The following HDAC8 variants were observed in gnomAD, a reference collection of about 807,000 sequenced individuals.
HDAC8 encodes the protein histone deacetylase-like 1.
A neutral mutation model predicts 32.2 loss-of-function variants in HDAC8; 1 was observed. That is an observed-to-expected ratio of 0.03 (90% CI 0.01 to 0.15). The LOEUF is 0.15. Ranked by LOEUF, HDAC8 falls within the 10% of genes least tolerant of loss-of-function variation. HDAC8 has a pLI of 1.00. For synonymous variants in HDAC8, 108 were observed against 113.9 expected, an observed-to-expected ratio of 0.95 and a Z score of 0.33; for missense variants, 117 against 300.0, an observed-to-expected ratio of 0.39 and a Z score of 4.51.
At chrX:72,428,101 CT>C (rs1214584885) in intron 9 of HDAC8, among the ~76,000 whole-genome samples, 11 of 108,687 alleles carry the variant, frequency 1.0e-4, no homozygotes, top group African/African-American at 2.7e-4. Context: ...ATGAATCCTT[CT>C]TTTTTTTTTG....
At chrX:72,464,444 C>T (rs1216156653) in intron 8 of HDAC8, 115 bp downstream of exon 8, 2 of 592,035 alleles carry the variant, frequency 3.4e-6, no homozygotes, top group Admixed American at 2.3e-5. Flanking sequence ...GGCTTCTGGG[C>T]CTCAGGTAGG....
rs781942485 is a variant in HDAC8, at chrX:72,329,519, G to T, written c.*535C>A. On this transcript the variant is annotated 3_prime_UTR_variant, in exon 11 of 11. Transcript: ENST00000373573. ...TGAAGACAACGGGACAAAGAGGTAG[G>T]TTTTCAAAGATTTTATTAAAAAAAC... is the stretch of plus-strand genomic sequence containing the variant. The T allele has an allele frequency of 1.2e-4, 65 of 526,834 alleles. No individual in the cohort carries two copies. The African/African-American group carries it at 1.3e-3, about 10-fold the overall frequency. 43.4% of individuals were successfully genotyped at this position (526,834 alleles called of 1,213,427 possible).
chrX:72,557,823 T>C (rs1438154258), intron 4 of HDAC8, among the ~76,000 whole-genome samples: 1 of 111,079 alleles, frequency 9.0e-6, no homozygotes. Context: ...ATAAATAAAA[T>C]TGATAGACAA....
At chrX:72,404,217 C>T (rs781797895) in intron 9 of HDAC8, among the ~76,000 whole-genome samples, 38 of 110,739 alleles carry the variant, frequency 3.4e-4, no homozygotes, top group Non-Finnish European at 6.4e-4. Context: ...GTTTATTTTT[C>T]CTCATTCCAT....
chrX:72,341,393 C>G (rs2043883835), intron 10 of HDAC8, among the ~76,000 whole-genome samples: 1 of 111,897 alleles, frequency 8.9e-6, no homozygotes, highest in African/African-American at 3.3e-5. Context: ...GCCATAGCTG[C>G]CACCACCACC....
At chrX:72,410,094 A>G (rs1183080441) in intron 9 of HDAC8, among the ~76,000 whole-genome samples, 1 of 111,206 alleles carries the variant, frequency 9.0e-6, no homozygotes, top group Non-Finnish European at 1.9e-5. Flanking sequence ...TGAGCTACAA[A>G]GGCTAAAGAT....
chrX:72,362,804 T>G (rs2044593764), intron 9 of HDAC8, among the ~76,000 whole-genome samples: 1 of 112,192 alleles, frequency 8.9e-6, no homozygotes, highest in Non-Finnish European at 1.9e-5. Context: ...GGGTGAATTC[T>G]TAAGAGCTTA....
At chrX:72,367,405 G>A (rs1227813590) in intron 9 of HDAC8, among the ~76,000 whole-genome samples, 1 of 112,063 alleles carries the variant, frequency 8.9e-6, no homozygotes, top group Non-Finnish European at 1.9e-5. Flanking sequence ...AGGCTCTGTC[G>A]CCACGTTGGT....
In HDAC8 at chrX:72,329,656, C is replaced by T. The variant is rs1555939477; in HGVS notation, c.*398G>A. ...CCTGGATGGTCCTGAGGCCCAAACC[C>T]TGCCTGTCAGCTGCCTCCTGCCCTA... On this transcript the variant is annotated 3_prime_UTR_variant, in exon 11 of 11. Coordinates refer to ENST00000373573, the MANE Select transcript of HDAC8 (RefSeq NM_018486.3). 1 of 1,183,692 alleles carries T rather than the reference C, an allele frequency of 8.4e-7. No individual in the cohort carries two copies. Among genetic ancestry groups the T allele is most frequent in the Non-Finnish European group, 1.1e-6 (1 of 880,863 alleles).
chrX:72,567,198 C>T (rs1556136299), intron 4 of HDAC8, among the ~76,000 whole-genome samples: 1 of 111,955 alleles, frequency 8.9e-6, no homozygotes, highest in Non-Finnish European at 1.9e-5. Flanking sequence ...TCTCCTCTAA[C>T]TCCAAGAAGC....
intron 4 of HDAC8, among the ~76,000 whole-genome samples, chrX:72,499,147 T>C (rs955453315): frequency 3.6e-5 from 4 of 112,032 alleles, no homozygotes; most frequent in Non-Finnish European, 7.5e-5. Flanking sequence ...ACCATGCTTC[T>C]TGTACAGACT....
chrX:72,440,923 TG>T (rs1162109603), intron 9 of HDAC8, among the ~76,000 whole-genome samples: 1 of 112,526 alleles, frequency 8.9e-6, no homozygotes, highest in African/African-American at 3.2e-5. Context: ...CACGGAGTCT[TG>T]CTGATCGCTA....
At chrX:72,560,323 C>T (rs879951868) in intron 4 of HDAC8, among the ~76,000 whole-genome samples, 22 of 109,610 alleles carry the variant, frequency 2.0e-4, no homozygotes, top group African/African-American at 7.3e-4. Context: ...GGATTAAGGG[C>T]GTTGCAAGAT....
intron 10 of HDAC8, among the ~76,000 whole-genome samples, chrX:72,350,351 A>G (rs1334023151): frequency 1.8e-5 from 2 of 111,994 alleles, no homozygotes; most frequent in African/African-American, 6.5e-5. Context: ...TCAGGACATG[A>G]AGACTTTGCT....
intron 9 of HDAC8, among the ~76,000 whole-genome samples, chrX:72,413,359 C>T (rs1235530548): frequency 1.0e-5 from 1 of 100,333 alleles, no homozygotes; most frequent in Non-Finnish European, 2.0e-5. Flanking sequence ...TGAGTGAGAA[C>T]ATGCGCCACG....
At position 72,329,743 on chromosome X, in the gene HDAC8, C is replaced by A; in HGVS notation, c.*311G>T. 5 of 1,161,505 alleles carry A rather than the reference C, an allele frequency of 4.3e-6. No homozygotes were observed. Among genetic ancestry groups the A allele is most frequent in the Non-Finnish European group, 5.8e-6 (5 of 868,059 alleles). ...TTTCATTTAAGATGATTAAAATACT[C>A]CCCTCCCCAATTCGCTTAAAAATAA... On this transcript the variant is annotated 3_prime_UTR_variant, in exon 11 of 11. Coordinates refer to ENST00000373573, the MANE Select transcript of HDAC8 (RefSeq NM_018486.3).
At chrX:72,501,436 G>A (rs1345904872) in intron 4 of HDAC8, among the ~76,000 whole-genome samples, 2 of 111,165 alleles carry the variant, frequency 1.8e-5, no homozygotes, top group Non-Finnish European at 3.8e-5. Context: ...TAGACCAATG[G>A]AACAGAATAG....
chrX:72,489,212 A>G (rs781913860), intron 6 of HDAC8, 171 bp from the exon 7 acceptor site: 1 of 489,693 alleles, frequency 2.0e-6, no homozygotes, highest in South Asian at 3.1e-5. Context: ...GGAAACTGAA[A>G]AACCTCAGTT....
Position 72,464,542 on chromosome X carries a change from C to A in HDAC8, c.910+17G>T, listed in dbSNP as rs782676451. 20 of 1,188,831 alleles carry A rather than the reference C, an allele frequency of 1.7e-5. No homozygotes were observed. Among genetic ancestry groups the A allele is most frequent in the Non-Finnish European group, 2.2e-5 (19 of 874,714 alleles). On this transcript the variant is annotated intron_variant, in intron 8 of 10. Transcript: ENST00000373573. ...GAGGAAGGTCAACAAATTCTGGTAA[C>A]CTTCCTTTATACTCACCTCCTCCCA...
Sources: allele counts gnomAD v4.1 joint callset (sites outside exome capture counted in the v4.1 genomes callset), GRCh38; gene constraint gnomAD v4.1.1; transcripts MANE v1.5; gene names NCBI Gene and HGNC (gene_info 2026-07-23, HGNC 2026-07-21).